Variants in PEBP4 observed in about 807,000 individuals in gnomAD.
PEBP4 encodes the protein phosphatidylethanolamine binding protein 4, also known as phosphatidylethanolamine-binding protein 4.
A neutral mutation model predicts 23.9 loss-of-function variants in PEBP4; 22 were observed. That is an observed-to-expected ratio of 0.92 (90% confidence interval 0.66 to 1.31). The LOEUF (loss-of-function observed/expected upper bound fraction) is 1.31. PEBP4 is among the 40% of genes most tolerant of loss of function. The probability of loss-of-function intolerance (pLI) is 0.00; values close to 1 mark genes in which losing one functional copy is unlikely to be tolerated. For synonymous variants in PEBP4, 112 were observed against 99.3 expected (o/e 1.13, Z -0.76); for missense variants, 324 against 281.7 (o/e 1.15, Z -1.07).
chr8:22,880,888 G>T (rs1219881224), intron 3 of PEBP4, among the ~76,000 whole-genome samples: 1 of 152,216 alleles, frequency 6.6e-6, no homozygotes, highest in Non-Finnish European at 1.5e-5. Flanking sequence ...AGTCCCCAAA[G>T]AAGGGGAAGC....
intron 6 of PEBP4, among the ~76,000 whole-genome samples, chr8:22,722,013 G>A (rs1804529312): frequency 1.3e-5 from 2 of 152,172 alleles, no homozygotes; most frequent in African/African-American, 4.8e-5. Flanking sequence ...CTCTCATTCT[G>A]GTCAGTTCTG....
At chr8:22,925,479 GA>G (rs1244969426) in intron 2 of PEBP4, 2 of 352,640 alleles carry the variant, frequency 5.7e-6, no homozygotes, top group Non-Finnish European at 7.9e-6. Flanking sequence ...TTCATCTGCA[GA>G]ATGGGGGTGC....
intron 4 of PEBP4, among the ~76,000 whole-genome samples, chr8:22,816,437 C>G (rs1411742910): frequency 2.0e-5 from 3 of 152,342 alleles, no homozygotes; most frequent in South Asian, 2.1e-4. Context: ...CTGCGAAAAC[C>G]CTGCCTTGCT....
At chr8:22,890,295 T>C (rs1241416899) in intron 3 of PEBP4, among the ~76,000 whole-genome samples, 1 of 152,218 alleles carries the variant, frequency 6.6e-6, no homozygotes, top group Non-Finnish European at 1.5e-5. Context: ...TAGGTCTGGA[T>C]GGGGCCCGCA....
At chr8:22,795,171 T>A (rs572314198) in intron 4 of PEBP4, among the ~76,000 whole-genome samples, 1,959 of 32,862 alleles carry the variant, frequency 0.06, 65 homozygotes, top group African/African-American at 0.14. Flanking sequence ...ATATTTTTTT[T>A]TTTTTTTTTT....
At chr8:22,727,066 ACT>A in intron 5 of PEBP4, 107 bp downstream of exon 5, 2 of 1,212,874 alleles carry the variant, frequency 1.6e-6, no homozygotes, top group East Asian at 2.4e-5. Flanking sequence ...ATCCAAGAAA[ACT>A]CTCAGGCTGG....
chr8:22,924,560 A>C lies in PEBP4; in HGVS notation c.131+3024T>G, dbSNP rs1199259173. The C allele has an allele frequency of 9.2e-6, 6 of 653,628 alleles. No homozygotes were observed. The South Asian group carries it at 3.4e-4, about 37-fold the overall frequency. The allele number at this position is 653,628 out of a possible 1,614,324, so 40.5% of individuals were successfully genotyped here. On this transcript the variant is annotated intron_variant, in intron 2 of 6. Transcript: ENST00000256404. The stretch of plus-strand genomic sequence containing the variant: ...GCACCTCGTGGATCCGCACTACAAC[A>C]GGTAGGGTTGGTGTTCAAGAAGAGC...
chr8:22,907,420 G>A (rs1211835993), intron 3 of PEBP4, among the ~76,000 whole-genome samples: 5 of 152,204 alleles, frequency 3.3e-5, no homozygotes, highest in African/African-American at 1.2e-4. Context: ...GTTGAGACAG[G>A]AGAATCACTT....
chr8:22,792,556 A>G (rs1158580746), intron 4 of PEBP4, among the ~76,000 whole-genome samples: 1 of 152,040 alleles, frequency 6.6e-6, no homozygotes, highest in East Asian at 1.9e-4. Context: ...GTCATAACCA[A>G]AGATGCCCTC....
Position 22,724,889 on chromosome 8 carries a change from C to T in PEBP4, c.471G>A (p.Gln157=), listed in dbSNP as rs1223843677. 6.2e-7 allele frequency: 1 copy of T among 1,614,104 alleles called. No homozygotes were observed. The change falls in exon 6 of 7, where the codon CAG becomes CAA. Residue 157 remains glutamine (Q), a synonymous_variant. Transcript: ENST00000256404. ...FHRYQFFVYL[Q]EGKVISLLPK... is the part of the protein sequence containing the mutation. ...GAAGGAGAGAGATGACTTTTCCTTC[C>T]TGAAGATAGACAAAGAACTGGTAGC... is the stretch of plus-strand genomic sequence containing the variant.
At chr8:22,731,833 T>A (rs1265284452) in intron 4 of PEBP4, among the ~76,000 whole-genome samples, 1 of 151,228 alleles carries the variant, frequency 6.6e-6, no homozygotes, top group Non-Finnish European at 1.5e-5. Flanking sequence ...TAATTTTTTT[T>A]TTTTTTTTAA....
chr8:22,756,022 A>G (rs1228794739), intron 4 of PEBP4: 1 of 152,254 alleles, frequency 6.6e-6, no homozygotes, highest in Non-Finnish European at 1.5e-5. Context: ...CTCGCTAAAT[A>G]CTTATTGATA....
chr8:22,741,327 C>T (rs149460588), intron 4 of PEBP4, among the ~76,000 whole-genome samples: 2 of 152,330 alleles, frequency 1.3e-5, no homozygotes, highest in Non-Finnish European at 2.9e-5. Context: ...TTGTCTGAGC[C>T]AACGGAAGAG....
intron 3 of PEBP4, among the ~76,000 whole-genome samples, chr8:22,842,640 C>T (rs1388715336): frequency 6.6e-6 from 1 of 152,120 alleles, no homozygotes. Context: ...AGGATCCCAA[C>T]AGGCCTGCAC....
At chr8:22,923,552 G>A (rs1223198379) in intron 2 of PEBP4, among the ~76,000 whole-genome samples, 1 of 152,090 alleles carries the variant, frequency 6.6e-6, no homozygotes. Flanking sequence ...GGGTGACAGA[G>A]GGTGATGCAC....
intron 3 of PEBP4, among the ~76,000 whole-genome samples, chr8:22,873,169 C>T (rs904959563): frequency 3.9e-5 from 6 of 152,124 alleles, no homozygotes; most frequent in African/African-American, 1.2e-4. Flanking sequence ...CAGTTATTGG[C>T]GAGACTGCAC....
chr8:22,885,690 C>T (rs1585324425), intron 3 of PEBP4: 1 of 152,230 alleles, frequency 6.6e-6, no homozygotes, highest in African/African-American at 2.4e-5. Context: ...AGCACTGTTG[C>T]TAGTGAAGCT....
chr8:22,761,233 G>A (rs1805501094), intron 4 of PEBP4, among the ~76,000 whole-genome samples: 1 of 152,130 alleles, frequency 6.6e-6, no homozygotes, highest in African/African-American at 2.4e-5. Flanking sequence ...ACTGTGGGGT[G>A]GGGTGTGTGT....
intron 3 of PEBP4, chr8:22,897,823 A>T (rs765359665): frequency 1.3e-5 from 2 of 152,050 alleles, no homozygotes; most frequent in Non-Finnish European, 2.9e-5. Context: ...CAAAATTCCT[A>T]TGTTGAAGCC....
Sources: allele counts gnomAD v4.1 joint callset (sites outside exome capture counted in the v4.1 genomes callset), GRCh38; gene constraint gnomAD v4.1.1; transcripts MANE v1.5; gene names NCBI Gene and HGNC (gene_info 2026-07-23, HGNC 2026-07-21).